Variants in MINDY2 observed in about 807,000 individuals in gnomAD.
The protein encoded by MINDY2 is MINDY lysine 48 deubiquitinase 2.
In MINDY2, 52 loss-of-function variants were observed where a neutral mutation model predicts 68.2. That is an observed-to-expected ratio of 0.76 (90% CI 0.61 to 0.96). MINDY2 has a LOEUF of 0.96. MINDY2 is among the 40% of genes least tolerant of loss of function. The pLI is 0.00. For synonymous variants in MINDY2, 372 were observed against 303.0 expected (o/e 1.23, Z -2.36); for missense variants, 881 against 773.4 (o/e 1.14, Z -1.65).
rs552977791 is a variant in MINDY2 at position 58,819,850 on chromosome 15, G to T, written c.1123-1867G>T. 1.6e-3 allele frequency among the ~76,000 whole-genome samples: 242 copies of T among 152,238 alleles called. 1 individual carries two copies. The highest frequency in any genetic ancestry group is 5.5e-3 in the African/African-American group (229 of 41,558). ...TAAATCAAAGCTGGAACTCATAGAT[G>T]TTTTTTTGTGCAATGTACATAGAAT... is the stretch of plus-strand genomic sequence containing the variant. On this transcript the variant is annotated intron_variant, in intron 4 of 8. Coordinates refer to ENST00000559228, the MANE Select transcript of MINDY2 (RefSeq NM_001040450.3).
intron 1 of MINDY2, among the ~76,000 whole-genome samples, chr15:58,779,555 T>C (rs923119774): frequency 4.3e-4 from 66 of 152,302 alleles, no homozygotes; most frequent in Admixed American, 1.2e-3. Flanking sequence ...TTATTACTTA[T>C]AAAAAAGGAA....
intron 3 of MINDY2, among the ~76,000 whole-genome samples, chr15:58,806,068 CG>C: frequency 1.3e-5 from 2 of 152,248 alleles, no homozygotes; most frequent in East Asian, 3.9e-4. Flanking sequence ...AGCGAGACTC[CG>C]TCTCAAAAAA....
intron 4 of MINDY2, among the ~76,000 whole-genome samples, chr15:58,812,818 A>G (rs532632701): frequency 1.3e-5 from 2 of 152,346 alleles, no homozygotes; most frequent in Admixed American, 1.3e-4. Context: ...TGATCACACT[A>G]CTGCGTTCCA....
intron 6 of MINDY2, among the ~76,000 whole-genome samples, chr15:58,834,939 T>C (rs554248418): frequency 6.6e-6 from 1 of 152,348 alleles, no homozygotes; most frequent in South Asian, 2.1e-4. Context: ...GAGTCATCCA[T>C]ACTCCTCAGA....
rs565509008 is a variant in MINDY2, at chr15:58,840,054, G to C, written c.1369-7243G>C. On this transcript the variant is annotated intron_variant, in intron 6 of 8. Transcript: ENST00000559228. ...TTGTCATATTGCCCAGCCTAGTCTC[G>C]AACTCCTGACCTCAGGCAGTCTGCC... 2.1e-4 allele frequency among the ~76,000 whole-genome samples: 32 copies of C among 151,966 alleles called. 1 individual carries two copies. The South Asian group carries it at 6.6e-3, about 32-fold the overall frequency.
chr15:58,797,826 TGTG>T (rs1902384419), intron 2 of MINDY2, among the ~76,000 whole-genome samples: 1 of 152,084 alleles, frequency 6.6e-6, no homozygotes, highest in Admixed American at 6.6e-5. Context: ...GAGATACAGT[TGTG>T]GTGGCAGAGA....
At chr15:58,785,685 A>G (rs1901450345) in intron 1 of MINDY2, among the ~76,000 whole-genome samples, 1 of 151,984 alleles carries the variant, frequency 6.6e-6, no homozygotes, top group South Asian at 2.1e-4. Context: ...TAATCTATCG[A>G]ATTTTTTTTT....
rs1333558507 is a variant in MINDY2, at chr15:58,857,546, A to AAAT, written c.*2938_*2939insTAA. The AAAT allele has an allele frequency of 1.3e-5, 2 of 151,890 alleles. No individual in the cohort carries two copies. The highest frequency in any genetic ancestry group is 2.9e-5 in the Non-Finnish European group (2 of 68,040). 9.4% of individuals were successfully genotyped at this position (151,890 alleles called of 1,614,324 possible). A position where few individuals can be genotyped will look rare whatever the true frequency, so the allele number is the denominator to read the frequency against. On this transcript the variant is annotated 3_prime_UTR_variant, in exon 9 of 9. Coordinates refer to ENST00000559228, the MANE Select transcript of MINDY2 (RefSeq NM_001040450.3). ...GAGACTCCGTCTCAAAAAAAAAAAAAAAAAAAAAATTAGAGCTATTGTGTC... is the reference window on the plus strand; with the variant it reads ...GAGACTCCGTCTCAAAAAAAAAAAAAAATAAAAAAAAATTAGAGCTATTGTGTC...
intron 7 of MINDY2, among the ~76,000 whole-genome samples, chr15:58,851,197 C>T (rs1005006560): frequency 1.9e-4 from 29 of 151,952 alleles, no homozygotes; most frequent in Admixed American, 2.0e-4. Flanking sequence ...TGGTCTCGAA[C>T]TCCTGGGCTC....
At position 58,838,889 on chromosome 15, in the gene MINDY2, A is replaced by T. The variant is rs76632872; in HGVS notation, c.1368+6973A>T. Among the ~76,000 whole-genome samples the T allele has an allele frequency of 2.1e-4, 32 of 151,852 alleles. 2 individuals carry two copies. Among genetic ancestry groups the T allele is most frequent in the African/African-American group, 7.5e-4 (31 of 41,428 alleles). ...AGCCACTGAGCCCGGCCTAATTTTT[A>T]TTACGACTTTTCAGAGGATCTTTAT... On this transcript the variant is annotated intron_variant, in intron 6 of 8. Coordinates refer to ENST00000559228, the MANE Select transcript of MINDY2 (RefSeq NM_001040450.3).
chr15:58,802,110 C>T (rs1057062069), intron 2 of MINDY2, among the ~76,000 whole-genome samples: 1 of 147,176 alleles, frequency 6.8e-6, no homozygotes, highest in Non-Finnish European at 1.5e-5. Context: ...AAGTTCAAAG[C>T]ACTATAGTAT....
Position 58,802,293 on chromosome 15 carries a change from TTC to T in MINDY2, c.899-18_899-17del. The T allele has an allele frequency of 8.6e-6, 13 of 1,519,810 alleles. No individual in the cohort carries two copies. Among genetic ancestry groups the T allele is most frequent in the Non-Finnish European group, 1.1e-5 (12 of 1,119,700 alleles). The allele number at this position is 1,519,810 out of a possible 1,614,324, so 94.1% of individuals were successfully genotyped here. A position where few individuals can be genotyped will look rare whatever the true frequency, so the allele number is the denominator to read the frequency against. On this transcript the variant is annotated intron_variant, in intron 2 of 8. Transcript: ENST00000559228. ...AAGTTTTTAAAAGGCAATTTTACAA[TTC>T]TTTTTTTTTTTTTACAGGAGATTAC... is the stretch of plus-strand genomic sequence containing the variant.
chr15:58,781,582 G>T (rs1901146096), intron 1 of MINDY2, among the ~76,000 whole-genome samples: 1 of 152,054 alleles, frequency 6.6e-6, no homozygotes, highest in Non-Finnish European at 1.5e-5. Flanking sequence ...TTAACTTGTG[G>T]GTTGTCTCCT....
rs140472882 is a variant in MINDY2, at chr15:58,841,135, C to T, written c.1369-6162C>T. On this transcript the variant is annotated intron_variant, in intron 6 of 8. Transcript: ENST00000559228. ...TAGCTGGGATTATAGGCGCGCACCACCATGTCCAGCTAATTTTTTGTATTT... is the reference window on the plus strand; with the variant it reads ...TAGCTGGGATTATAGGCGCGCACCATCATGTCCAGCTAATTTTTTGTATTT... Among the ~76,000 whole-genome samples the T allele has an allele frequency of 1.6e-3, 247 of 151,738 alleles. 1 individual carries two copies. The highest frequency in any genetic ancestry group is 5.6e-3 in the African/African-American group (231 of 41,332).
At chr15:58,781,827 A>T (rs539035846) in intron 1 of MINDY2, among the ~76,000 whole-genome samples, 1 of 152,080 alleles carries the variant, frequency 6.6e-6, no homozygotes, top group Admixed American at 6.5e-5. Flanking sequence ...GCTTGAACCC[A>T]GGAGACGGAG....
intron 1 of MINDY2, among the ~76,000 whole-genome samples, chr15:58,782,997 G>A (rs1288067634): frequency 8.2e-6 from 1 of 121,652 alleles, no homozygotes; most frequent in Non-Finnish European, 1.6e-5. Context: ...TTTACTCACT[G>A]CAGCCTTTGT....
At chr15:58,828,685 C>T (rs746347370) in intron 5 of MINDY2, among the ~76,000 whole-genome samples, 7 of 150,964 alleles carry the variant, frequency 4.6e-5, no homozygotes, top group Non-Finnish European at 5.9e-5. Context: ...CTCAGCCTCC[C>T]GGGTAGCTGG....
At chr15:58,804,384 A>G (rs1471078707) in intron 3 of MINDY2, among the ~76,000 whole-genome samples, 1 of 152,202 alleles carries the variant, frequency 6.6e-6, no homozygotes, top group Non-Finnish European at 1.5e-5. Context: ...TCATGAAGCT[A>G]TTTTTATTAA....
chr15:58,849,808 C>T (rs914424095), intron 7 of MINDY2, among the ~76,000 whole-genome samples: 2 of 152,092 alleles, frequency 1.3e-5, no homozygotes, highest in Non-Finnish European at 1.5e-5. Flanking sequence ...GTGGTGCGAT[C>T]TCGGCTCACT....
Sources: allele counts gnomAD v4.1 joint callset (sites outside exome capture counted in the v4.1 genomes callset), GRCh38; gene constraint gnomAD v4.1.1; transcripts MANE v1.5; gene names NCBI Gene and HGNC (gene_info 2026-07-23, HGNC 2026-07-21).